The following LOC114841035 variants were observed in gnomAD, a reference collection of about 807,000 sequenced individuals.
At chr11:64,242,948 T>C in the LOC114841035 span, among the ~76,000 whole-genome samples, 1 of 152,162 alleles carries the variant, frequency 6.6e-6, no homozygotes, top group East Asian at 1.9e-4. Flanking sequence ...GGCGGGCGCC[T>C]ATAATCCCAG....
chr11:64,244,086 A>AAAAAAAC, the LOC114841035 span: 17 of 1,568,682 alleles, frequency 1.1e-5, no homozygotes, highest in Non-Finnish European at 1.5e-5. Context: ...CTGTTCCAAA[A>AAAAAAAC]AAAAAACAAA....
the LOC114841035 span, chr11:64,242,158 T>C: frequency 2.1e-6 from 1 of 474,824 alleles, no homozygotes; most frequent in Non-Finnish European, 3.7e-6. Context: ...TGGCCTCCCC[T>C]GACCCCCTCC....
At chr11:64,241,519 G>A in the LOC114841035 span, 1 of 153,034 alleles carries the variant, frequency 6.5e-6, no homozygotes, top group Non-Finnish European at 1.5e-5. Context: ...AGGCGCTGGG[G>A]GCGGGGCTTC....
chr11:64,242,512 G>A, the LOC114841035 span: 17 of 1,554,736 alleles, frequency 1.1e-5, no homozygotes, highest in Admixed American at 2.2e-5. Context: ...GTGGACCACT[G>A]TCCCATCAAA....
the LOC114841035 span, chr11:64,242,491 T>G: frequency 6.4e-7 from 1 of 1,551,358 alleles, no homozygotes; most frequent in Non-Finnish European, 8.7e-7. Flanking sequence ...CAGATCGGGG[T>G]CAAGAAGCGG....
the LOC114841035 span, chr11:64,243,119 G>T: frequency 7.5e-7 from 1 of 1,334,622 alleles, no homozygotes; most frequent in Admixed American, 1.7e-5. Context: ...TGGGGGGGCA[G>T]CTTGATGGGG....
At chr11:64,243,408 G>C in the LOC114841035 span, 11 of 1,612,826 alleles carry the variant, frequency 6.8e-6, no homozygotes, top group East Asian at 2.2e-5. Flanking sequence ...ACAAGACAAG[G>C]GCCCTGGGTG....
At chr11:64,243,396 A>T in the LOC114841035 span, 1 of 1,611,314 alleles carries the variant, frequency 6.2e-7, no homozygotes, top group Non-Finnish European at 8.5e-7. Flanking sequence ...AGCCCCAGGG[A>T]TACAAGACAA....
At chr11:64,243,595 T>C in the LOC114841035 span, 1 of 1,449,916 alleles carries the variant, frequency 6.9e-7, no homozygotes, top group African/African-American at 1.4e-5. Context: ...ACCGTATCCA[T>C]TCATTACAAT....
At chr11:64,243,346 C>T in the LOC114841035 span, 46 of 1,596,956 alleles carry the variant, frequency 2.9e-5, 1 homozygote, top group African/African-American at 3.1e-4. Flanking sequence ...GGAGTGGGGG[C>T]GTGCATGGCC....
At chr11:64,243,961 C>T in the LOC114841035 span, 3 of 1,614,092 alleles carry the variant, frequency 1.9e-6, no homozygotes, top group African/African-American at 1.3e-5. Flanking sequence ...CCCCTTCTCC[C>T]CTACAGGTGG....
At chr11:64,241,398 G>A in the LOC114841035 span, among the ~76,000 whole-genome samples, 1 of 151,966 alleles carries the variant, frequency 6.6e-6, no homozygotes, top group Non-Finnish European at 1.5e-5. Context: ...GGAGCCCGGC[G>A]GCGGGGGGCG....
At chr11:64,242,407 G>A in the LOC114841035 span, 108,470 of 1,543,198 alleles carry the variant, frequency 0.07, 4,344 homozygotes, top group Non-Finnish European at 0.081. Context: ...AGCTGGTTCC[G>A]GGTCCTGACA....
At chr11:64,244,102 AAAAC>A in the LOC114841035 span, 28 of 1,537,030 alleles carry the variant, frequency 1.8e-5, no homozygotes, top group Middle Eastern at 2.2e-4. Context: ...ACAAAAAACA[AAAAC>A]AAACAAAAAA....
chr11:64,241,214 G>A, the LOC114841035 span: 2 of 152,570 alleles, frequency 1.3e-5, no homozygotes, highest in South Asian at 2.0e-4. Context: ...AAGCGGACCG[G>A]GCTCCGAGTG....
At chr11:64,241,517 G>A in the LOC114841035 span, 1 of 153,010 alleles carries the variant, frequency 6.5e-6, no homozygotes, top group Non-Finnish European at 1.5e-5. Context: ...GGAGGCGCTG[G>A]GGGCGGGGCT....
the LOC114841035 span, chr11:64,243,420 T>A: frequency 6.2e-7 from 1 of 1,613,674 alleles, no homozygotes; most frequent in African/African-American, 1.3e-5. Flanking sequence ...CCCTGGGTGC[T>A]GCCATGGGCT....
chr11:64,242,638 A>C, the LOC114841035 span: 1 of 1,440,440 alleles, frequency 6.9e-7, no homozygotes, highest in African/African-American at 1.5e-5. Context: ...GGTTCTCCAT[A>C]AGCCAGGTAG....
At chr11:64,243,341 G>A in the LOC114841035 span, 8 of 1,597,748 alleles carry the variant, frequency 5.0e-6, no homozygotes, top group Non-Finnish European at 6.0e-6. Context: ...GCTTGGGAGT[G>A]GGGGCGTGCA....
Sources: gnomAD v4.1 joint callset for allele counts (sites outside exome capture counted in the v4.1 genomes callset) on GRCh38, gnomAD v4.1.1 for gene constraint, MANE v1.5 for transcripts.